Variants in RBFOX1 observed in about 807,000 individuals in gnomAD.
The protein encoded by RBFOX1 is RNA binding protein fox-1 homolog 1.
A neutral mutation model predicts 57.7 loss-of-function variants in RBFOX1; 8 were observed. The observed-to-expected ratio is 0.14, with a 90% CI of 0.08 to 0.25. RBFOX1 has a LOEUF of 0.25. RBFOX1 is among the 10% of genes least tolerant of loss of function. The pLI is 1.00. For missense variants in RBFOX1, 611 were observed against 548.5 expected (o/e 1.11, Z -1.14); for synonymous variants, 326 against 222.4 (o/e 1.47, Z -4.15).
intron 1 of RBFOX1, among the ~76,000 whole-genome samples, chr16:5,256,533 C>A (rs192478639): frequency 2.6e-5 from 4 of 152,158 alleles, no homozygotes; most frequent in Middle Eastern, 3.2e-3. Flanking sequence ...GATGAGAGCT[C>A]TTTGAAAATG....
chr16:6,574,060 C>T (rs2097385682), intron 2 of RBFOX1, among the ~76,000 whole-genome samples: 1 of 152,198 alleles, frequency 6.6e-6, no homozygotes, highest in East Asian at 1.9e-4. Flanking sequence ...CAACCCTGTT[C>T]CCCTTTCAAG....
At chr16:7,303,618 A>G (rs1205696410) in intron 4 of RBFOX1, among the ~76,000 whole-genome samples, 2 of 152,186 alleles carry the variant, frequency 1.3e-5, no homozygotes, top group African/African-American at 4.8e-5. Flanking sequence ...AGGGAAGGAA[A>G]AAAAGGAAAA....
At chr16:6,485,182 C>A (rs1227760618) in intron 2 of RBFOX1, among the ~76,000 whole-genome samples, 2 of 152,144 alleles carry the variant, frequency 1.3e-5, no homozygotes, top group African/African-American at 4.8e-5. Flanking sequence ...GGAATCCAGG[C>A]TTTTCATTTA....
chr16:6,655,655 C>G (rs1373123033), intron 3 of RBFOX1, among the ~76,000 whole-genome samples: 2 of 152,120 alleles, frequency 1.3e-5, no homozygotes, highest in African/African-American at 4.8e-5. Flanking sequence ...CAAAGCACAT[C>G]CAAGAAGATC....
chr16:6,934,621 T>A (rs1301437551), intron 3 of RBFOX1, among the ~76,000 whole-genome samples: 1 of 152,186 alleles, frequency 6.6e-6, no homozygotes, highest in Non-Finnish European at 1.5e-5. Context: ...GAGGTCATTG[T>A]GTTGTGAAAT....
intron 3 of RBFOX1, among the ~76,000 whole-genome samples, chr16:6,833,316 A>G (rs2092845477): frequency 6.6e-6 from 1 of 151,554 alleles, no homozygotes; most frequent in Admixed American, 6.6e-5. Flanking sequence ...TAGGCTCCCA[A>G]CACCATGCCT....
chr16:5,662,640 G>C (rs191563990), intron 3 of RBFOX1, among the ~76,000 whole-genome samples: 2 of 152,164 alleles, frequency 1.3e-5, no homozygotes, highest in African/African-American at 4.8e-5. Flanking sequence ...TTAAAAATGT[G>C]TTAGTGAAAA....
chr16:5,856,255 A>G (rs1388791703), intron 3 of RBFOX1, among the ~76,000 whole-genome samples: 6 of 38,100 alleles, frequency 1.6e-4, no homozygotes, highest in African/African-American at 2.9e-4. Context: ...ATATATGTAT[A>G]TATATGTATA....
At chr16:6,539,806 GACACACACACACACAC>G (rs35407844) in intron 2 of RBFOX1, among the ~76,000 whole-genome samples, 1 of 136,234 alleles carries the variant, frequency 7.3e-6, no homozygotes, top group Non-Finnish European at 1.6e-5. Flanking sequence ...TCAAAACACA[GACACACACACACACAC>G]ACACACACAC....
At chr16:6,837,481 G>C (rs2093183139) in intron 3 of RBFOX1, among the ~76,000 whole-genome samples, 1 of 152,170 alleles carries the variant, frequency 6.6e-6, no homozygotes, top group Admixed American at 6.5e-5. Context: ...ATGAGAACTA[G>C]ACATGGATGA....
At chr16:5,771,205 G>C (rs2053965849) in intron 3 of RBFOX1, among the ~76,000 whole-genome samples, 1 of 152,238 alleles carries the variant, frequency 6.6e-6, no homozygotes, top group South Asian at 2.1e-4. Context: ...TAGGCAGATA[G>C]CATTTGTGGA....
chr16:6,477,029 T>G (rs1410294195), intron 2 of RBFOX1, among the ~76,000 whole-genome samples: 2 of 152,222 alleles, frequency 1.3e-5, no homozygotes, highest in Non-Finnish European at 2.9e-5. Flanking sequence ...AGCAATGTAG[T>G]TGCCTCTTCA....
intron 2 of RBFOX1, among the ~76,000 whole-genome samples, chr16:6,417,771 C>T (rs2093665998): frequency 1.1e-5 from 1 of 91,652 alleles, no homozygotes; most frequent in African/African-American, 5.9e-5. Context: ...AAGCTTGTGT[C>T]ATAGGTTTTT....
chr16:5,737,749 A>T (rs1260653231), intron 3 of RBFOX1, among the ~76,000 whole-genome samples: 1 of 152,136 alleles, frequency 6.6e-6, no homozygotes, highest in African/African-American at 2.4e-5. Flanking sequence ...ATTAACTAAA[A>T]ACCCTGACTT....
intron 4 of RBFOX1, among the ~76,000 whole-genome samples, chr16:7,459,918 C>A (rs922363451): frequency 2.0e-5 from 3 of 151,906 alleles, no homozygotes; most frequent in Admixed American, 6.6e-5. Context: ...TTGTTAAAGA[C>A]AGAAATTATG....
intron 4 of RBFOX1, among the ~76,000 whole-genome samples, chr16:5,977,103 C>T (rs771990157): frequency 2.0e-5 from 3 of 152,132 alleles, no homozygotes; most frequent in Non-Finnish European, 4.4e-5. Context: ...GGCAAGTCTT[C>T]TGGGTAATTT....
chr16:7,315,625 C>G (rs944759318), intron 4 of RBFOX1, among the ~76,000 whole-genome samples: 3 of 145,724 alleles, frequency 2.1e-5, no homozygotes, highest in Middle Eastern at 3.5e-3. Context: ...CTTTTATAGC[C>G]TTCCTGAAAA....
chr16:6,572,552 C>G (rs1226958691), intron 2 of RBFOX1, among the ~76,000 whole-genome samples: 3 of 152,018 alleles, frequency 2.0e-5, no homozygotes, highest in Non-Finnish European at 4.4e-5. Flanking sequence ...ATTGCTGAGT[C>G]TTCCCCAGAT....
chr16:7,371,799 C>G (rs1039437143), intron 4 of RBFOX1, among the ~76,000 whole-genome samples: 3 of 152,110 alleles, frequency 2.0e-5, no homozygotes, highest in African/African-American at 7.2e-5. Context: ...CATGTGCATA[C>G]AGATATATGT....
Sources: allele counts gnomAD v4.1 joint callset (sites outside exome capture counted in the v4.1 genomes callset), GRCh38; gene constraint gnomAD v4.1.1; transcripts MANE v1.5; gene names NCBI Gene and HGNC (gene_info 2026-07-23, HGNC 2026-07-21).